Variants in CACNB4 observed in about 807,000 individuals in gnomAD.
The protein encoded by CACNB4 is voltage-dependent L-type calcium channel subunit beta-4.
In CACNB4, 32 loss-of-function variants were observed where a neutral mutation model predicts 71.2. The ratio of observed to expected loss-of-function variants is 0.45; its 90% CI spans 0.34 to 0.60. The LOEUF (loss-of-function observed/expected upper bound fraction) is 0.60. Ranked by LOEUF, CACNB4 falls within the 20% of genes least tolerant of loss-of-function variation. The pLI, the probability that CACNB4 is intolerant of heterozygous loss-of-function variation, is 0.01. For missense variants in CACNB4, 464 were observed against 647.9 expected, an observed-to-expected ratio of 0.72 and a Z score of 3.08; for synonymous variants, 231 against 236.9, an observed-to-expected ratio of 0.97 and a Z score of 0.23.
intron 2 of CACNB4, among the ~76,000 whole-genome samples, chr2:151,982,162 C>T (rs2099874834): frequency 6.6e-6 from 1 of 152,090 alleles, no homozygotes. Context: ...TTCTCCATTT[C>T]CCCCATTTAG....
chr2:152,001,526 TAAAAAAAA>T (rs70974816), intron 2 of CACNB4, among the ~76,000 whole-genome samples: 5 of 35,488 alleles, frequency 1.4e-4, no homozygotes, highest in African/African-American at 4.9e-4. Context: ...CCATCTCTAC[TAAAAAAAA>T]AAAAAAAAAA....
chr2:152,036,928 T>G (rs1465121282), intron 2 of CACNB4, among the ~76,000 whole-genome samples: 1 of 152,206 alleles, frequency 6.6e-6, no homozygotes, highest in Non-Finnish European at 1.5e-5. Context: ...TCCCAGGAAG[T>G]GCACTAGATG....
At chr2:151,918,531 A>G (rs554831648) in intron 2 of CACNB4, among the ~76,000 whole-genome samples, 38 of 152,332 alleles carry the variant, frequency 2.5e-4, no homozygotes, top group African/African-American at 2.4e-4. Context: ...TCCTTCTCCA[A>G]TAAGGGCACT....
At chr2:152,068,110 C>T (rs1008388986) in intron 2 of CACNB4, among the ~76,000 whole-genome samples, 1 of 152,102 alleles carries the variant, frequency 6.6e-6, no homozygotes, top group African/African-American at 2.4e-5. Context: ...AGTCTCAGTA[C>T]GTCTCTCATG....
At chr2:151,880,778 A>G (rs763699435) in intron 4 of CACNB4, 22 bp downstream of exon 4, 57 of 1,602,198 alleles carry the variant, frequency 3.6e-5, no homozygotes, top group Admixed American at 3.1e-4. Flanking sequence ...AGGTGAAGGG[A>G]TGCAGTATGT....
In CACNB4 at chr2:151,880,804, T is replaced by C; in HGVS notation, c.386A>G (p.Lys129Arg). 6.2e-7 allele frequency: 1 copy of C among 1,611,278 alleles called. No homozygotes were observed. Among genetic ancestry groups the C allele is most frequent in the Non-Finnish European group, 8.5e-7 (1 of 1,178,692 alleles). Residue 129 changes from lysine to arginine, a missense_variant, in exon 4 of 14, where the codon AAA becomes AGA. By Grantham distance (26) the Lys-to-Arg change is conservative. This residue lies in a region of CACNB4 where 299 missense variants were observed against 471.7 expected (regional missense o/e 0.63). Transcript: ENST00000539935. ...SFDAKDFLHI[K>R]EKYNNDWWIG... ...TGCAGTATGTTCTACATTTACCTCT[T>C]TAATATGTAGAAAGTCTTTAGCATC... is the stretch of plus-strand genomic sequence containing the variant.
At chr2:152,011,264 C>A (rs1683041520) in intron 2 of CACNB4, among the ~76,000 whole-genome samples, 1 of 152,126 alleles carries the variant, frequency 6.6e-6, no homozygotes, top group African/African-American at 2.4e-5. Context: ...GGTATAGAAC[C>A]CTCCAGTAAC....
At chr2:152,034,520 C>T (rs758314233) in intron 2 of CACNB4, among the ~76,000 whole-genome samples, 10 of 152,294 alleles carry the variant, frequency 6.6e-5, no homozygotes, top group African/African-American at 1.9e-4. Flanking sequence ...TATTTCAAGC[C>T]GTTACCACAA....
At chr2:152,071,010 C>T (rs1686658357) in intron 2 of CACNB4, among the ~76,000 whole-genome samples, 1 of 152,242 alleles carries the variant, frequency 6.6e-6, no homozygotes, top group African/African-American at 2.4e-5. Context: ...CAAGCATCTG[C>T]CTGCCTCGGC....
rs190681981 is a variant in CACNB4, at chr2:152,036,448, C to T, written c.147+61882G>A. ...CCAAGTAGCTGGGATTACAGGCGCG[C>T]GCCACCATGCCTGGCTAATTTTTGT... On this transcript the variant is annotated intron_variant, in intron 2 of 13. Transcript: ENST00000539935. Among the ~76,000 whole-genome samples, 253 of 152,190 alleles carry T rather than the reference C, an allele frequency of 1.7e-3. 1 individual carries two copies. Among genetic ancestry groups the T allele is most frequent in the African/African-American group, 5.0e-3 (207 of 41,512 alleles).
At chr2:151,847,250 T>C (rs2099837838) in intron 12 of CACNB4, among the ~76,000 whole-genome samples, 1 of 152,044 alleles carries the variant, frequency 6.6e-6, no homozygotes, top group African/African-American at 2.4e-5. Flanking sequence ...CTTAGTGGCA[T>C]ATTCCTATGG....
intron 2 of CACNB4, among the ~76,000 whole-genome samples, chr2:151,951,129 T>A (rs2099866828): frequency 6.6e-6 from 1 of 152,108 alleles, no homozygotes; most frequent in African/African-American, 2.4e-5. Context: ...TTTCGCCATG[T>A]TGGCCAGACT....
intron 2 of CACNB4, among the ~76,000 whole-genome samples, chr2:151,966,361 T>C (rs7604517): frequency 0.71 from 107,220 of 152,024 alleles, 41,326 homozygotes; most frequent in Middle Eastern, 0.89. Context: ...CTCACTGCAA[T>C]CTCTGCCTCC....
intron 2 of CACNB4, among the ~76,000 whole-genome samples, chr2:151,982,366 G>A (rs989288944): frequency 6.6e-6 from 1 of 152,134 alleles, no homozygotes; most frequent in Non-Finnish European, 1.5e-5. Context: ...GGGCACAGTG[G>A]CTCACACCTG....
At chr2:152,023,907 C>A (rs1683819465) in intron 2 of CACNB4, among the ~76,000 whole-genome samples, 1 of 152,198 alleles carries the variant, frequency 6.6e-6, no homozygotes, top group Non-Finnish European at 1.5e-5. Context: ...AGAACTGTGT[C>A]CTGGAGGCAC....
intron 2 of CACNB4, among the ~76,000 whole-genome samples, chr2:151,937,375 G>C (rs921004989): frequency 6.6e-6 from 1 of 152,150 alleles, no homozygotes; most frequent in Non-Finnish European, 1.5e-5. Context: ...AACTCTGGGA[G>C]AGGCATTATA....
At chr2:152,037,386 C>T (rs904455560) in intron 2 of CACNB4, among the ~76,000 whole-genome samples, 1 of 152,188 alleles carries the variant, frequency 6.6e-6, no homozygotes, top group Admixed American at 6.5e-5. Flanking sequence ...ATAAATAAAT[C>T]CTGCTTTGGC....
Position 151,838,493 on chromosome 2 carries a change from GA to G in CACNB4, c.*625del, listed in dbSNP as rs971783567. The stretch of plus-strand genomic sequence containing the variant: ...ATAATTTCTGCATTAAGATTTCTGA[GA>G]TTTTTTTTTTGGCACTATCAATACA... On this transcript the variant is annotated 3_prime_UTR_variant, in exon 14 of 14. Coordinates refer to ENST00000539935, the MANE Select transcript of CACNB4 (RefSeq NM_000726.5). 6 of 149,640 alleles carry G rather than the reference GA, an allele frequency of 4.0e-5. No homozygotes were observed. The highest frequency in any genetic ancestry group is 1.0e-4 in the African/African-American group (4 of 39,882). 9.3% of individuals were successfully genotyped at this position (149,640 alleles called of 1,614,324 possible).
intron 2 of CACNB4, among the ~76,000 whole-genome samples, chr2:151,947,669 T>A (rs1040715916): frequency 6.6e-6 from 1 of 152,190 alleles, no homozygotes; most frequent in East Asian, 1.9e-4. Flanking sequence ...TGCGAGGTCG[T>A]CCGGGTCTGG....
Sources: allele counts gnomAD v4.1 joint callset (sites outside exome capture counted in the v4.1 genomes callset), GRCh38; gene constraint gnomAD v4.1.1; regional missense constraint gnomAD v4.1.1; transcripts MANE v1.5; gene names NCBI Gene and HGNC (gene_info 2026-07-23, HGNC 2026-07-21).